CLN6: variants seen among roughly 807,000 people sequenced by gnomAD.
CLN6 encodes ceroid-lipofuscinosis neuronal protein 6.
CLN6 carries 22 observed loss-of-function variants against 33.3 expected under a neutral mutation model. The ratio of observed to expected loss-of-function variants is 0.66; its 90% CI spans 0.47 to 0.94. The LOEUF (loss-of-function observed/expected upper bound fraction) is 0.94. Ranked by LOEUF, CLN6 falls within the 40% of genes least tolerant of loss-of-function variation. The pLI is 0.00. For missense variants in CLN6, 387 were observed against 417.1 expected, an observed-to-expected ratio of 0.93 and a Z score of 0.63; for synonymous variants, 201 against 174.6, an observed-to-expected ratio of 1.15 and a Z score of -1.19.
At chr15:68,237,895 C>CG (rs1343254848) in intron 1 of CLN6, among the ~76,000 whole-genome samples, 1 of 152,028 alleles carries the variant, frequency 6.6e-6, no homozygotes, top group Non-Finnish European at 1.5e-5. Flanking sequence ...GCGGCCGAGG[C>CG]GGGGGGATCA....
At position 68,208,464 on chromosome 15, in the gene CLN6, G is replaced by A; in HGVS notation, c.666-54C>T. 1.1e-5 allele frequency: 18 copies of A among 1,603,776 alleles called. No homozygotes were observed. The highest frequency in any genetic ancestry group is 1.5e-5 in the Non-Finnish European group (18 of 1,175,478). Reference sequence around the variant, plus strand: ...CTGCCGTGGCAACCCCGTCCTGCCTGGCATCCCTTCCTGTGTGCGAGAGCC... The same window carrying A: ...CTGCCGTGGCAACCCCGTCCTGCCTAGCATCCCTTCCTGTGTGCGAGAGCC... On this transcript the variant is annotated intron_variant, in intron 6 of 6. Coordinates refer to ENST00000249806, the MANE Select transcript of CLN6 (RefSeq NM_017882.3). The surrounding 1 kb of genome is among the most constrained non-coding windows in gnomAD (Gnocchi z 5.8).
chr15:68,229,209 G>C (rs1054664449), intron 1 of CLN6, among the ~76,000 whole-genome samples: 1 of 152,194 alleles, frequency 6.6e-6, no homozygotes, highest in Non-Finnish European at 1.5e-5. Flanking sequence ...CGGGTCGCTG[G>C]AACGCGGGAA....
intron 1 of CLN6, among the ~76,000 whole-genome samples, chr15:68,222,995 C>CT (rs1268610961): frequency 6.6e-6 from 1 of 152,140 alleles, no homozygotes; most frequent in African/African-American, 2.4e-5. Flanking sequence ...CTGAGGAAGG[C>CT]TGCAGGGTCC....
rs2093256298 is a variant in CLN6, at chr15:68,227,673, C to G, written c.83+1829G>C. Among the ~76,000 whole-genome samples the G allele has an allele frequency of 6.6e-6, 1 of 152,160 alleles. No homozygotes were observed. Among genetic ancestry groups the G allele is most frequent in the South Asian group, 2.1e-4 (1 of 4,832 alleles). On this transcript the variant is annotated intron_variant, in intron 1 of 6. Transcript: ENST00000249806. The surrounding 1 kb of genome is among the most constrained non-coding windows in gnomAD (Gnocchi z 4.1). Reference sequence around the variant, plus strand: ...CCAAAGTGGAGTCGTAAGAGCAGAGCCCGTAAGTCAGAAACCCTGGGTTTA... The same window carrying G: ...CCAAAGTGGAGTCGTAAGAGCAGAGGCCGTAAGTCAGAAACCCTGGGTTTA...
chr15:68,248,306 A>G (rs990048381), intron 1 of CLN6: 2 of 152,116 alleles, frequency 1.3e-5, no homozygotes, highest in African/African-American at 4.8e-5. Flanking sequence ...CTATACTGCT[A>G]TCTCTCACCA....
In CLN6 at chr15:68,214,572, G is replaced by C. The variant is rs186920869; in HGVS notation, c.199-184C>G. The C allele has an allele frequency of 7.2e-4, 427 of 594,620 alleles. 7 individuals carry two copies. Among genetic ancestry groups the C allele is most frequent in the South Asian group, 4.8e-3 (271 of 56,694 alleles). 36.8% of individuals were successfully genotyped at this position (594,620 alleles called of 1,614,324 possible). Reference sequence around the variant, plus strand: ...CAGCCTTGGGACAAAGGTTTATCCAGACAGGAAAGCTGAGTCCCAGAGGAG... The same window carrying C: ...CAGCCTTGGGACAAAGGTTTATCCACACAGGAAAGCTGAGTCCCAGAGGAG... On this transcript the variant is annotated intron_variant, in intron 2 of 6. Transcript: ENST00000249806.
At chr15:68,254,524 T>C in intron 1 of CLN6, 1 of 397,784 alleles carries the variant, frequency 2.5e-6, no homozygotes, top group Non-Finnish European at 4.6e-6. Flanking sequence ...TGATTACATG[T>C]TGAAATGATA....
rs944699184 is a variant in CLN6 at position 68,241,666 on chromosome 15, C to T, written c.179+15024G>A. Among the ~76,000 whole-genome samples the T allele has an allele frequency of 3.9e-5, 6 of 152,244 alleles. No individual in the cohort carries two copies. The East Asian group carries it at 5.8e-4, about 15-fold the overall frequency. Reference sequence around the variant, plus strand: ...GCCCTAGAAACATGGTTCTGTAACTCGGCCAAAGAAGACACCAAATCAGAG... The same window carrying T: ...GCCCTAGAAACATGGTTCTGTAACTTGGCCAAAGAAGACACCAAATCAGAG... On this transcript the variant is annotated intron_variant, in intron 1 of 6. Transcript: ENST00000538696. This position sits in a 1 kb window ranked among gnomAD's most constrained non-coding sequence, Gnocchi z 4.2.
intron 2 of CLN6, among the ~76,000 whole-genome samples, chr15:68,216,957 G>A (rs750403716): frequency 6.6e-6 from 1 of 152,166 alleles, no homozygotes; most frequent in Non-Finnish European, 1.5e-5. Flanking sequence ...GCTTGACCTC[G>A]AGCCAGTTAC....
In CLN6 at chr15:68,227,285, C is replaced by G. The variant is rs1379645470; in HGVS notation, c.83+2217G>C. Among the ~76,000 whole-genome samples the G allele has an allele frequency of 6.6e-6, 1 of 152,108 alleles. No individual in the cohort carries two copies. The highest frequency in any genetic ancestry group is 6.5e-5 in the Admixed American group (1 of 15,280). On this transcript the variant is annotated intron_variant, in intron 1 of 6. Transcript: ENST00000249806. This position sits in a 1 kb window ranked among gnomAD's most constrained non-coding sequence, Gnocchi z 4.1. ...AACTCCTGGACTCAAGTGATCCACC[C>G]ACCTTGGCCTCCCAAAGTGCTGGGA...
In CLN6 at chr15:68,227,069, T is replaced by A. The variant is rs1054082232; in HGVS notation, c.83+2433A>T. Among the ~76,000 whole-genome samples, 6 of 151,184 alleles carry A rather than the reference T, an allele frequency of 4.0e-5. No individual in the cohort carries two copies. The highest frequency in any genetic ancestry group is 8.9e-5 in the Non-Finnish European group (6 of 67,758). ...ACTTTTTTTTTTTTTTGAGACAGTCTCACTGTCATCCAGGCTGGAGTGCAG... is the reference window on the plus strand; with the variant it reads ...ACTTTTTTTTTTTTTTGAGACAGTCACACTGTCATCCAGGCTGGAGTGCAG... On this transcript the variant is annotated intron_variant, in intron 1 of 6. Coordinates refer to ENST00000249806, the MANE Select transcript of CLN6 (RefSeq NM_017882.3). The surrounding 1 kb of genome is among the most constrained non-coding windows in gnomAD (Gnocchi z 4.1).
intron 1 of CLN6, among the ~76,000 whole-genome samples, chr15:68,225,292 G>A (rs1040921276): frequency 6.6e-6 from 1 of 152,098 alleles, no homozygotes; most frequent in Non-Finnish European, 1.5e-5. Context: ...TTAAATACAT[G>A]GCTTAAATAA....
Position 68,242,013 on chromosome 15 carries a change from C to T in CLN6, c.179+14677G>A, listed in dbSNP as rs141774460. On this transcript the variant is annotated intron_variant, in intron 1 of 6. Coordinates refer to the CLN6 transcript ENST00000538696. The surrounding 1 kb of genome is among the most constrained non-coding windows in gnomAD (Gnocchi z 5.0). ...AGAAGACTAGAATAAATAAATAATC[C>T]TTCAATGCAAAGATGTAGATGTATA... Among the ~76,000 whole-genome samples, 735 of 152,086 alleles carry T rather than the reference C, an allele frequency of 4.8e-3. 5 individuals carry two copies. Among genetic ancestry groups the T allele is most frequent in the African/African-American group, 0.017 (690 of 41,492 alleles).
chr15:68,217,081 C>T (rs1238651112), intron 2 of CLN6, among the ~76,000 whole-genome samples: 2 of 152,196 alleles, frequency 1.3e-5, no homozygotes, highest in South Asian at 2.1e-4. Flanking sequence ...AGTAAACATT[C>T]GATGTTAGCC....
intron 1 of CLN6, among the ~76,000 whole-genome samples, chr15:68,253,064 TATAG>T (rs925091076): frequency 2.0e-5 from 3 of 152,244 alleles, no homozygotes; most frequent in African/African-American, 7.2e-5. Context: ...TATCAAATAC[TATAG>T]TTTTTAAGAG....
intron 3 of CLN6, chr15:68,214,038 C>T (rs923740007): frequency 6.2e-5 from 28 of 450,498 alleles, no homozygotes; most frequent in Non-Finnish European, 1.0e-4. Flanking sequence ...TCTCTGCTTC[C>T]CCCACTGGCA....
intron 1 of CLN6, among the ~76,000 whole-genome samples, chr15:68,251,675 AAAACAAAC>A (rs60310067): frequency 2.0e-5 from 3 of 150,344 alleles, no homozygotes; most frequent in African/African-American, 7.4e-5. Context: ...ACACTGTCTC[AAAACAAAC>A]AAACAAACAA....
intron 3 of CLN6, chr15:68,212,221 C>A: frequency 3.7e-6 from 1 of 267,944 alleles, no homozygotes; most frequent in South Asian, 5.4e-5. Flanking sequence ...CTGGCTGTGT[C>A]CCTGGGTGGC....
chr15:68,215,813 T>C (rs992021551), intron 2 of CLN6, among the ~76,000 whole-genome samples: 7 of 151,954 alleles, frequency 4.6e-5, no homozygotes, highest in African/African-American at 1.7e-4. Context: ...AAAATCCCAT[T>C]ATGGTTAGAA....
Sources: gnomAD v4.1 joint callset for allele counts (sites outside exome capture counted in the v4.1 genomes callset) on GRCh38, gnomAD v4.1.1 for gene constraint, Gnocchi (gnomAD v3.1) non-coding constraint, MANE v1.5 for transcripts, NCBI Gene and HGNC (gene_info 2026-07-23, HGNC 2026-07-21) for gene names.